DDX60L: variants seen among roughly 807,000 people sequenced by gnomAD.
DDX60L encodes probable ATP-dependent RNA helicase DDX60-like.
A neutral mutation model predicts 211.6 loss-of-function variants in DDX60L; 191 were observed. The observed-to-expected ratio is 0.90, with a 90% CI of 0.80 to 1.02. DDX60L has a LOEUF of 1.02. DDX60L is among the 50% of genes least tolerant of loss of function. The probability of loss-of-function intolerance (pLI) is 0.00; values close to 1 mark genes in which losing one functional copy is unlikely to be tolerated. For missense variants in DDX60L, 2,007 were observed against 1,984.1 expected (o/e 1.01, Z -0.22); for synonymous variants, 706 against 694.1 (o/e 1.02, Z -0.27).
chr4:168,420,457 T>G, intron 17 of DDX60L, 77 bp from the exon 18 acceptor site: 5 of 815,838 alleles, frequency 6.1e-6, no homozygotes, highest in Non-Finnish European at 7.4e-6. Flanking sequence ...ACCGAATCCA[T>G]ACACATACAC....
At chr4:168,378,823 T>C (rs114985318) in intron 32 of DDX60L, among the ~76,000 whole-genome samples, 546 of 152,278 alleles carry the variant, frequency 3.6e-3, no homozygotes, top group Non-Finnish European at 6.2e-3. Context: ...ATCCCTCCTT[T>C]ACTCAAAAAC....
At chr4:168,369,925 T>C (rs1407748058) in intron 36 of DDX60L, among the ~76,000 whole-genome samples, 2 of 151,966 alleles carry the variant, frequency 1.3e-5, no homozygotes, top group Non-Finnish European at 2.9e-5. Context: ...AGAAAGCAAG[T>C]GTTGGTGTGA....
At chr4:168,435,621 CTCCAT>C (rs1273097865) in intron 10 of DDX60L, among the ~76,000 whole-genome samples, 2 of 151,986 alleles carry the variant, frequency 1.3e-5, no homozygotes, top group Non-Finnish European at 2.9e-5. Context: ...TGCTTTTTTT[CTCCAT>C]TCCTGTTAAT....
chr4:168,367,553 A>G (rs1740211864), intron 36 of DDX60L, among the ~76,000 whole-genome samples: 1 of 152,160 alleles, frequency 6.6e-6, no homozygotes, highest in Admixed American at 6.5e-5. Context: ...GTAAATTGGT[A>G]CCAGTAGAGT....
chr4:168,449,047 T>C (rs1755260155), intron 8 of DDX60L, among the ~76,000 whole-genome samples: 1 of 152,140 alleles, frequency 6.6e-6, no homozygotes, highest in South Asian at 2.1e-4. Flanking sequence ...ACTAAAACTA[T>C]AGATGACAAT....
intron 13 of DDX60L, among the ~76,000 whole-genome samples, 153 bp downstream of exon 13, chr4:168,430,325 C>G (rs1190288181): frequency 6.6e-6 from 1 of 152,136 alleles, no homozygotes; most frequent in East Asian, 1.9e-4. Context: ...TACCCAATCG[C>G]AGGTATATCT....
chr4:168,465,580 C>T (rs185085336), intron 4 of DDX60L, among the ~76,000 whole-genome samples: 17 of 152,206 alleles, frequency 1.1e-4, no homozygotes, highest in Middle Eastern at 6.8e-3. Flanking sequence ...TAACCAATGT[C>T]CTGAAGCATT....
intron 5 of DDX60L, among the ~76,000 whole-genome samples, chr4:168,460,013 T>C (rs894154859): frequency 6.6e-6 from 1 of 152,204 alleles, no homozygotes; most frequent in Non-Finnish European, 1.5e-5. Flanking sequence ...TGCCATGTTG[T>C]ACATTTAGAA....
At chr4:168,478,525 T>C (rs534979323) in intron 1 of DDX60L, among the ~76,000 whole-genome samples, 2 of 152,230 alleles carry the variant, frequency 1.3e-5, no homozygotes, top group African/African-American at 4.8e-5. Context: ...AAAAGGGTGA[T>C]ATCAGTAAAT....
intron 25 of DDX60L, 115 bp from the exon 26 acceptor site, chr4:168,401,093 G>C: frequency 1.1e-6 from 1 of 943,218 alleles, no homozygotes; most frequent in Non-Finnish European, 1.5e-6. Flanking sequence ...CCTAGGCCAG[G>C]GCACTCTAAA....
rs752830482 is a variant in DDX60L at position 168,373,858 on chromosome 4, G to GT, written c.4634-51dup. ...TTAGGTTTTAAAAATCAGCCCAAAT[G>GT]TTAACCCTTTCAAACTCACTGTAGG... is the stretch of plus-strand genomic sequence containing the variant. On this transcript the variant is annotated intron_variant, in intron 34 of 37. Transcript: ENST00000682922. The GT allele has an allele frequency of 8.8e-6, 14 of 1,583,550 alleles. No individual in the cohort carries two copies. The South Asian group carries it at 1.6e-4, about 18-fold the overall frequency.
chr4:168,470,072 A>G (rs1487045430), intron 4 of DDX60L: 1 of 152,244 alleles, frequency 6.6e-6, no homozygotes, highest in Non-Finnish European at 1.5e-5. Flanking sequence ...AGCACTTGAA[A>G]AAGTAGGCAA....
intron 37 of DDX60L, among the ~76,000 whole-genome samples, chr4:168,360,292 T>C (rs1738887776): frequency 1.3e-5 from 2 of 152,204 alleles, no homozygotes; most frequent in Non-Finnish European, 2.9e-5. Context: ...TTGAGATACA[T>C]TTAAAATCTC....
chr4:168,441,354 T>C lies in DDX60L; in HGVS notation c.1277A>G (p.Glu426Gly), dbSNP rs781608302. ...TTTAGTACCTTGAATGACCGATTTC[T>C]CTTGTCTAAGAAAATGTCTTCTTGT... ...RTTRRHFLRQ[E>G]KSVIQEISLE... The change falls in exon 10 of 38, where the codon GAG becomes GGG. Residue 426 changes from glutamate to glycine, a missense_variant. Glu to Gly is a moderately conservative substitution (Grantham distance 98). Transcript: ENST00000682922. 28 of 1,608,246 alleles carry C rather than the reference T, an allele frequency of 1.7e-5. 1 individual carries two copies. The highest frequency in any genetic ancestry group is 3.3e-4 in the Middle Eastern group (2 of 6,048).
intron 9 of DDX60L, among the ~76,000 whole-genome samples, chr4:168,446,422 G>T (rs1457679856): frequency 6.6e-6 from 1 of 152,164 alleles, no homozygotes; most frequent in Non-Finnish European, 1.5e-5. Context: ...TCATGGGTAG[G>T]AAGAATCAAT....
chr4:168,425,590 C>T lies in DDX60L; in HGVS notation c.1930+1480G>A, dbSNP rs1054065873. ...CAGCCTGGCCAACATGGCAAAACCC[C>T]GTCTCTACTAAAAATACAAAAATTA... On this transcript the variant is annotated intron_variant, in intron 14 of 37. Transcript: ENST00000682922. Among the ~76,000 whole-genome samples the T allele has an allele frequency of 2.0e-5, 3 of 152,064 alleles. No homozygotes were observed. The East Asian group carries it at 5.8e-4, about 29-fold the overall frequency.
intron 10 of DDX60L, among the ~76,000 whole-genome samples, chr4:168,439,904 G>C (rs187913318): frequency 1.8e-4 from 27 of 152,290 alleles, no homozygotes; most frequent in African/African-American, 6.3e-4. Context: ...TCATAGACTT[G>C]TGAAATACTT....
At chr4:168,451,775 C>G (rs1466832077) in intron 8 of DDX60L, among the ~76,000 whole-genome samples, 1 of 152,156 alleles carries the variant, frequency 6.6e-6, no homozygotes, top group East Asian at 1.9e-4. Context: ...TCTCCTACCC[C>G]CTCCTCAGCT....
In DDX60L at chr4:168,379,287, A is replaced by G. The variant is rs894026566; in HGVS notation, c.4363+76T>C. On this transcript the variant is annotated intron_variant, in intron 32 of 37. Transcript: ENST00000682922. ...ATAAATGAGAAGGAGGAAGAAGAGA[A>G]AAACATATCTGCGGTTTTGGCTATT... 698 of 1,270,262 alleles carry G rather than the reference A, an allele frequency of 5.5e-4. 1 individual carries two copies. The highest frequency in any genetic ancestry group is 1.8e-3 in the Middle Eastern group (9 of 5,056). 78.7% of individuals were successfully genotyped at this position (1,270,262 alleles called of 1,614,324 possible).
Sources: allele counts gnomAD v4.1 joint callset (sites outside exome capture counted in the v4.1 genomes callset), GRCh38; gene constraint gnomAD v4.1.1; transcripts MANE v1.5; gene names NCBI Gene and HGNC (gene_info 2026-07-23, HGNC 2026-07-21).